The following EPC1 variants were observed in gnomAD, a reference collection of about 807,000 sequenced individuals.
EPC1 encodes the protein enhancer of polycomb 1.
EPC1 carries 12 observed loss-of-function variants against 98.4 expected under a neutral mutation model. The ratio of observed to expected loss-of-function variants is 0.12; its 90% CI spans 0.08 to 0.20. The LOEUF is 0.20. Ranked by LOEUF, EPC1 falls within the 10% of genes least tolerant of loss-of-function variation. The probability of loss-of-function intolerance (pLI) is 1.00; values close to 1 mark genes in which losing one functional copy is unlikely to be tolerated. For missense variants in EPC1, 729 were observed against 990.5 expected (o/e 0.74, Z 3.54); for synonymous variants, 357 against 363.9 (o/e 0.98, Z 0.21).
chr10:32,286,590 A>G (rs994305937), intron 9 of EPC1, 104 bp downstream of exon 9: 1 of 1,320,690 alleles, frequency 7.6e-7, no homozygotes, highest in Non-Finnish European at 1.0e-6. Context: ...AATAGCAAAT[A>G]GGAACTAATG....
Position 32,293,052 on chromosome 10 carries a change from C to A in EPC1, c.602G>T (p.Gly201Val). The A allele has an allele frequency of 6.2e-7, 1 of 1,613,282 alleles. No individual in the cohort carries two copies. Among genetic ancestry groups the A allele is most frequent in the South Asian group, 1.1e-5 (1 of 90,904 alleles). Residue 201 changes from glycine (G) to valine (V), a missense_variant, in exon 4 of 14, where the codon GGT becomes GTT. Gly to Val is a moderately radical substitution (Grantham distance 109). Coordinates refer to ENST00000319778, the MANE Select transcript of EPC1 (RefSeq NM_001272004.3). ...IPSVKQEKRD[G>V]SSTNDPYVAF... is the part of the protein sequence containing the mutation. ...CACATAAGGATCATTTGTGCTGGAA[C>A]CATCTCGCTTCTCTTGTTTTACTGA... is the stretch of plus-strand genomic sequence containing the variant.
At chr10:32,361,558 T>C (rs976459305) in intron 1 of EPC1, among the ~76,000 whole-genome samples, 3 of 152,242 alleles carry the variant, frequency 2.0e-5, no homozygotes, top group Non-Finnish European at 4.4e-5. Flanking sequence ...GCATTTTCCC[T>C]GTTCCCCACT....
At chr10:32,326,879 G>T (rs559834851) in intron 1 of EPC1, among the ~76,000 whole-genome samples, 2 of 149,492 alleles carry the variant, frequency 1.3e-5, no homozygotes, top group Admixed American at 6.8e-5. Flanking sequence ...ACGTCTATTA[G>T]AAAGACAAAA....
chr10:32,346,862 C>G lies in EPC1; in HGVS notation c.54G>C (p.Pro18=). 6.2e-7 allele frequency: 1 copy of G among 1,614,168 alleles called. No homozygotes were observed. The highest frequency in any genetic ancestry group is 1.1e-5 in the South Asian group (1 of 91,090). The change falls in exon 1 of 14, where the codon CCG becomes CCC. Residue 18 remains proline (P), a synonymous_variant. Transcript: ENST00000319778. ...ARALDASKPL[P]VFRCEDLPDL... is the part of the protein sequence containing the mutation. ...CGGGCAGATCCTCACAGCGGAAAAC[C>G]GGCAGCGGCTTCGAGGCGTCTAGCG... is the stretch of plus-strand genomic sequence containing the variant.
intron 13 of EPC1, 83 bp from the exon 14 acceptor site, chr10:32,269,218 A>G (rs1835718220): frequency 8.3e-7 from 1 of 1,197,996 alleles, no homozygotes; most frequent in African/African-American, 1.5e-5. Context: ...CAAAAAGTTT[A>G]TTTTTATTAA....
chr10:32,275,362 G>A (rs1009694372), intron 10 of EPC1, among the ~76,000 whole-genome samples: 10 of 152,222 alleles, frequency 6.6e-5, no homozygotes, highest in South Asian at 4.1e-4. Flanking sequence ...GGCCAGGCGC[G>A]GTGGCGCACG....
intron 1 of EPC1, among the ~76,000 whole-genome samples, chr10:32,344,331 AG>A (rs1276140339): frequency 6.6e-6 from 1 of 152,092 alleles, no homozygotes; most frequent in African/African-American, 2.4e-5. Flanking sequence ...TCTATTCTTG[AG>A]GTCTATGCTT....
At chr10:32,347,594 T>C (rs1838941227), upstream of EPC1, 1 of 152,022 alleles carries the variant, frequency 6.6e-6, no homozygotes, top group African/African-American at 2.4e-5. Context: ...TCTGGGGTGC[T>C]CGCCAGCGGC....
At chr10:32,378,264 A>T (rs1237628321) in intron 1 of EPC1, among the ~76,000 whole-genome samples, 1 of 152,144 alleles carries the variant, frequency 6.6e-6, no homozygotes, top group Non-Finnish European at 1.5e-5. Flanking sequence ...GTTCACAGTA[A>T]TTAAAGTATA....
chr10:32,277,567 A>AT (rs199643500), intron 10 of EPC1, among the ~76,000 whole-genome samples: 99 of 150,422 alleles, frequency 6.6e-4, no homozygotes, highest in African/African-American at 2.1e-3. Context: ...TTGGGCAGAA[A>AT]TTTTTTTTTT....
rs1483926163 is a variant in EPC1, at chr10:32,267,988, A to C, written c.*1075T>G. The C allele has an allele frequency of 6.6e-6, 1 of 152,230 alleles. No individual in the cohort carries two copies. Among genetic ancestry groups the C allele is most frequent in the Non-Finnish European group, 1.5e-5 (1 of 68,036 alleles). 9.4% of individuals were successfully genotyped at this position (152,230 alleles called of 1,614,324 possible). On this transcript the variant is annotated 3_prime_UTR_variant, in exon 14 of 14. Transcript: ENST00000319778. Reference sequence around the variant, plus strand: ...TGGTTCTGGCCTTGCAGCCTTCTGGAGAATCTTAAAAGGAAAAAAGCTGGC... The same window carrying C: ...TGGTTCTGGCCTTGCAGCCTTCTGGCGAATCTTAAAAGGAAAAAAGCTGGC...
At chr10:32,316,567 A>C (rs988150366) in intron 1 of EPC1, among the ~76,000 whole-genome samples, 5 of 152,228 alleles carry the variant, frequency 3.3e-5, no homozygotes, top group Non-Finnish European at 5.9e-5. Context: ...ATAGCTTCGC[A>C]CAAAGTACAT....
chr10:32,330,151 T>C (rs1399608708), intron 1 of EPC1, among the ~76,000 whole-genome samples: 1 of 152,160 alleles, frequency 6.6e-6, no homozygotes, highest in Non-Finnish European at 1.5e-5. Context: ...AGATTTCCTT[T>C]TTCAAAGGGC....
At chr10:32,336,176 C>A (rs1837956635) in intron 1 of EPC1, among the ~76,000 whole-genome samples, 1 of 151,024 alleles carries the variant, frequency 6.6e-6, no homozygotes, top group African/African-American at 2.5e-5. Context: ...TCAAGCAATT[C>A]TCCTGCATCA....
At chr10:32,300,245 T>A (rs59590569) in intron 2 of EPC1, among the ~76,000 whole-genome samples, 102 of 151,892 alleles carry the variant, frequency 6.7e-4, no homozygotes, top group Middle Eastern at 3.4e-3. Context: ...GCATTTTTTT[T>A]AAATTTTTTT....
At chr10:32,344,909 C>T (rs754636994) in intron 1 of EPC1, among the ~76,000 whole-genome samples, 1 of 152,148 alleles carries the variant, frequency 6.6e-6, no homozygotes, top group Non-Finnish European at 1.5e-5. Context: ...TGGGACTGTC[C>T]AAAGTATTCA....
intron 1 of EPC1, among the ~76,000 whole-genome samples, chr10:32,365,451 C>T (rs1208185377): frequency 6.6e-6 from 1 of 152,060 alleles, no homozygotes; most frequent in Non-Finnish European, 1.5e-5. Context: ...ATACCAACAA[C>T]AACAACAAGA....
chr10:32,314,765 T>A (rs1836454185), intron 1 of EPC1, among the ~76,000 whole-genome samples: 1 of 152,220 alleles, frequency 6.6e-6, no homozygotes, highest in South Asian at 2.1e-4. Context: ...TAACTATCTG[T>A]AGATAAAGCC....
At chr10:32,365,597 G>C (rs905029546) in intron 1 of EPC1, among the ~76,000 whole-genome samples, 1 of 152,042 alleles carries the variant, frequency 6.6e-6, no homozygotes, top group Admixed American at 6.6e-5. Flanking sequence ...TGAATCATTT[G>C]AGGTCAGGAG....
Sources: gnomAD v4.1 joint callset for allele counts (sites outside exome capture counted in the v4.1 genomes callset) on GRCh38, gnomAD v4.1.1 for gene constraint, MANE v1.5 for transcripts, NCBI Gene and HGNC (gene_info 2026-07-23, HGNC 2026-07-21) for gene names.